Variants in WIZ observed in about 807,000 individuals in gnomAD.
The protein encoded by WIZ is WIZ zinc finger, also known as protein Wiz.
In WIZ, 25 loss-of-function variants were observed where a neutral mutation model predicts 140.2. The ratio of observed to expected loss-of-function variants is 0.18; its 90% CI spans 0.13 to 0.25. The LOEUF is 0.25. WIZ is among the 10% of genes least tolerant of loss of function. WIZ has a pLI of 1.00. For missense variants in WIZ, 2,231 were observed against 2,632.6 expected, an observed-to-expected ratio of 0.85 and a Z score of 3.34; for synonymous variants, 1,125 against 1,154.3, an observed-to-expected ratio of 0.97 and a Z score of 0.51.
In WIZ at chr19:15,420,204, G is replaced by T. The variant is rs535936548; in HGVS notation, c.*2872C>A. 1.3e-5 allele frequency: 2 copies of T among 152,208 alleles called. No homozygotes were observed. Among genetic ancestry groups the T allele is most frequent in the African/African-American group, 2.4e-5 (1 of 41,438 alleles). 9.4% of individuals were successfully genotyped at this position (152,208 alleles called of 1,614,324 possible). A position where few individuals can be genotyped will look rare whatever the true frequency, so the allele number is the denominator to read the frequency against. ...TGACAGCTGAAGACATTGGTCATGG[G>T]TTGGTGATGGATAGATGAGAGTCCA... On this transcript the variant is annotated 3_prime_UTR_variant, in exon 13 of 13. Transcript: ENST00000673675.
intron 5 of WIZ, among the ~76,000 whole-genome samples, chr19:15,434,302 C>G (rs992504968): frequency 1.7e-4 from 25 of 149,008 alleles, no homozygotes; most frequent in Admixed American, 1.1e-3. Context: ...TGGCTTACAC[C>G]TGTAATCCTA....
In WIZ at chr19:15,440,684, G is replaced by T; in HGVS notation, c.310C>A (p.Pro104Thr). 1 of 1,510,832 alleles carries T rather than the reference G, an allele frequency of 6.6e-7. No individual in the cohort carries two copies. The highest frequency in any genetic ancestry group is 8.8e-7 in the Non-Finnish European group (1 of 1,131,034). 93.6% of individuals were successfully genotyped at this position (1,510,832 alleles called of 1,614,324 possible). Residue 104 changes from proline to threonine, a missense_variant, in exon 4 of 13, where the codon CCG becomes ACG. By Grantham distance (38) the Pro-to-Thr change is conservative (BLOSUM62 -1). Transcript: ENST00000673675. This position sits in a 1 kb window ranked among gnomAD's most constrained non-coding sequence, Gnocchi z 6.2. ...CWDGGSLDFR[P>T]GSPPPHLLGH... ...AGGAGATGGGGTGGTGGGGAGCCCGGCCGGAAGTCCAGGCTGCCTCCATCC... is the reference window on the plus strand; with the variant it reads ...AGGAGATGGGGTGGTGGGGAGCCCGTCCGGAAGTCCAGGCTGCCTCCATCC...
chr19:15,446,757 A>G (rs562864312), intron 2 of WIZ, among the ~76,000 whole-genome samples: 1 of 152,262 alleles, frequency 6.6e-6, no homozygotes, highest in East Asian at 1.9e-4. Flanking sequence ...TGGTGACATA[A>G]CACCGGGTCA....
chr19:15,432,990 G>A (rs954722689), intron 5 of WIZ, among the ~76,000 whole-genome samples: 1 of 152,044 alleles, frequency 6.6e-6, no homozygotes, highest in South Asian at 2.1e-4. Flanking sequence ...CCCCAGCCCA[G>A]TCCCCGGACA....
intron 2 of WIZ, among the ~76,000 whole-genome samples, chr19:15,445,151 C>A (rs1419957333): frequency 6.6e-6 from 1 of 152,248 alleles, no homozygotes; most frequent in Non-Finnish European, 1.5e-5. Context: ...CCAAGGGGCC[C>A]TTGTTGGCTC....
rs778885934 is a variant in WIZ, at chr19:15,439,577, C to T, written c.1417G>A (p.Ala473Thr). 16 of 1,490,358 alleles carry T rather than the reference C, an allele frequency of 1.1e-5. No homozygotes were observed. The highest frequency in any genetic ancestry group is 2.5e-5 in the South Asian group (2 of 79,390). The allele number at this position is 1,490,358 out of a possible 1,614,324, so 92.3% of individuals were successfully genotyped here. The change falls in exon 4 of 13, where the codon GCG becomes ACG. Residue 473 changes from alanine (A) to threonine (T), a missense_variant. Ala to Thr is a moderately conservative substitution (Grantham distance 58). This residue lies in a region of WIZ where 475 missense variants were observed against 520.2 expected (regional missense o/e 0.91). Coordinates refer to ENST00000673675, the MANE Select transcript of WIZ (RefSeq NM_001371589.1). The surrounding 1 kb of genome is among the most constrained non-coding windows in gnomAD (Gnocchi z 7.0). ...TCCCTGAGCAGGCTCTCGCTGGGCG[C>T]GGGGAAACCACAGAAGACACAGGCG... ...LSACVFCGFP[A>T]PSESLLREHV...
In WIZ at chr19:15,428,549, T is replaced by C. The variant is rs1599666662; in HGVS notation, c.3416-41A>G. On this transcript the variant is annotated intron_variant, in intron 7 of 12. Coordinates refer to ENST00000673675, the MANE Select transcript of WIZ (RefSeq NM_001371589.1). This position sits in a 1 kb window ranked among gnomAD's most constrained non-coding sequence, Gnocchi z 6.4. ...ACAGGGGGGGTTCACGGCCGCCACCTTGGCCGGCCTTGGGGGCCTGAGGTA... is the reference window on the plus strand; with the variant it reads ...ACAGGGGGGGTTCACGGCCGCCACCCTGGCCGGCCTTGGGGGCCTGAGGTA... 3 of 1,530,974 alleles carry C rather than the reference T, an allele frequency of 2.0e-6. No homozygotes were observed. Among genetic ancestry groups the C allele is most frequent in the Non-Finnish European group, 1.7e-6 (2 of 1,144,182 alleles). The allele number at this position is 1,530,974 out of a possible 1,614,324, so 94.8% of individuals were successfully genotyped here.
Position 15,428,248 on chromosome 19 carries a change from G to A in WIZ, c.3676C>T (p.Pro1226Ser), listed in dbSNP as rs1968983249. The A allele has an allele frequency of 3.3e-6, 5 of 1,530,136 alleles. No individual in the cohort carries two copies. The highest frequency in any genetic ancestry group is 1.4e-5 in the African/African-American group (1 of 72,794). 94.8% of individuals were successfully genotyped at this position (1,530,136 alleles called of 1,614,324 possible). A position where few individuals can be genotyped will look rare whatever the true frequency, so the allele number is the denominator to read the frequency against. Reference sequence around the variant, plus strand: ...GCCTTCTTGGCCGGCGGTGGGGGGGGAAGCAAGGAGAGGGCCGCGGAGGTG... The same window carrying A: ...GCCTTCTTGGCCGGCGGTGGGGGGGAAAGCAAGGAGAGGGCCGCGGAGGTG... ...PPTSAALSLL[P>S]PPPPAKKAKL... Residue 1226 changes from proline to serine, a missense_variant, in exon 8 of 13, where the codon CCC (proline) becomes TCC (serine). By Grantham distance (74) the Pro-to-Ser change is moderately conservative. Coordinates refer to ENST00000673675, the MANE Select transcript of WIZ (RefSeq NM_001371589.1). This position sits in a 1 kb window ranked among gnomAD's most constrained non-coding sequence, Gnocchi z 6.4.
chr19:15,440,587 C>A lies in WIZ; in HGVS notation c.407G>T (p.Gly136Val). ...EHPLVQEAGE[G>V]ILSERRFEDS... is the part of the protein sequence containing the mutation. The stretch of plus-strand genomic sequence containing the variant: ...CTCGAATCTCCGCTCAGATAGGATG[C>A]CCTCCCCAGCCTCCTGGACAAGGGG... The change falls in exon 4 of 13, where the codon GGC (glycine) becomes GTC (valine). Residue 136 changes from glycine to valine, a missense_variant. Transcript: ENST00000673675. This position sits in a 1 kb window ranked among gnomAD's most constrained non-coding sequence, Gnocchi z 6.2. 2.0e-6 allele frequency: 3 copies of A among 1,536,148 alleles called. No homozygotes were observed. The highest frequency in any genetic ancestry group is 2.6e-6 in the Non-Finnish European group (3 of 1,146,884).
rs2145345558 is a variant in WIZ at position 15,436,944 on chromosome 19, C to T, written c.2602G>A (p.Glu868Lys). 1.2e-6 allele frequency: 2 copies of T among 1,613,528 alleles called. No individual in the cohort carries two copies. The highest frequency in any genetic ancestry group is 1.7e-6 in the Non-Finnish European group (2 of 1,179,738). ...LQELLATSAA[E>K]QPPSPLGREP... is the part of the protein sequence containing the mutation. ...CGGCCCAGGGGGCTGGGGGGCTGCT[C>T]AGCAGCAGAGGTGGCCAGCAGCTCC... is the stretch of plus-strand genomic sequence containing the variant. The change falls in exon 5 of 13, where the codon GAG (glutamate) becomes AAG (lysine). Residue 868 changes from glutamate to lysine, a missense_variant. Coordinates refer to ENST00000673675, the MANE Select transcript of WIZ (RefSeq NM_001371589.1).
chr19:15,423,063 G>C lies in WIZ; in HGVS notation c.*13C>G, dbSNP rs1410292374. 6.2e-7 allele frequency: 1 copy of C among 1,610,028 alleles called. No homozygotes were observed. On this transcript the variant is annotated 3_prime_UTR_variant, in exon 13 of 13. Coordinates refer to ENST00000673675, the MANE Select transcript of WIZ (RefSeq NM_001371589.1). ...CAGAGGTGGCACGAGAGGGGATCTG[G>C]AATGCTTTTGTGTTAGGGAGCCTCT...
chr19:15,438,907 G>A lies in WIZ; in HGVS notation c.2087C>T (p.Ala696Val), dbSNP rs1312484705. 2.9e-5 allele frequency: 42 copies of A among 1,447,896 alleles called. No homozygotes were observed. Among genetic ancestry groups the A allele is most frequent in the Non-Finnish European group, 3.4e-5 (37 of 1,101,670 alleles). The allele number at this position is 1,447,896 out of a possible 1,614,324, so 89.7% of individuals were successfully genotyped here. The change falls in exon 4 of 13, where the codon GCG becomes GTG. Residue 696 changes from alanine (A) to valine (V), a missense_variant. Coordinates refer to ENST00000673675, the MANE Select transcript of WIZ (RefSeq NM_001371589.1). ...LVAKLGPQVMAAARVPPRLQP... is the reference protein window; with the variant it reads ...LVAKLGPQVMVAARVPPRLQP... The stretch of plus-strand genomic sequence containing the variant: ...CAACCTTGGGGGCACCCTGGCTGCC[G>A]CCATGACCTGCGGCCCCAGCTTCGC...
Position 15,439,721 on chromosome 19 carries a change from G to A in WIZ, c.1273C>T (p.Arg425Cys), listed in dbSNP as rs113267381. ...TTGGTGGTCTGGCCTGGGGGCTCAC[G>A]CATGTGCAGCTTGGCATGCTGCACA... The part of the protein sequence containing the change: ...AYVQHAKLHM[R>C]EPPGQTTKEP... Residue 425 changes from arginine to cysteine, a missense_variant, in exon 4 of 13, where the codon CGT (arginine) becomes TGT (cysteine). Around this residue, in one of 15 missense-constraint regions of WIZ, gnomAD observed 475 missense variants for 520.2 expected, o/e 0.91. Transcript: ENST00000673675. This position sits in a 1 kb window ranked among gnomAD's most constrained non-coding sequence, Gnocchi z 7.0. The A allele has an allele frequency of 0.017, 24,829 of 1,478,876 alleles. 305 individuals carry two copies. Among genetic ancestry groups the A allele is most frequent in the Middle Eastern group, 0.063 (356 of 5,654 alleles). The allele number at this position is 1,478,876 out of a possible 1,614,324, so 91.6% of individuals were successfully genotyped here. A position where few individuals can be genotyped will look rare whatever the true frequency, so the allele number is the denominator to read the frequency against.
chr19:15,439,190 G>C lies in WIZ; in HGVS notation c.1804C>G (p.His602Asp). 1 of 1,535,568 alleles carries C rather than the reference G, an allele frequency of 6.5e-7. No homozygotes were observed. ...CTCCGTTCCCCCAGCCCTTGTGGGTGGACGGTGCTTTTGTTTCTCCCGAGC... is the reference window on the plus strand; with the variant it reads ...CTCCGTTCCCCCAGCCCTTGTGGGTCGACGGTGCTTTTGTTTCTCCCGAGC... ...LQLGRNKSTV[H>D]PQGLGERRRP... Residue 602 changes from histidine to aspartate, a missense_variant, in exon 4 of 13, where the codon CAC becomes GAC. Physicochemically the swap from His to Asp is moderately conservative, Grantham distance 81. Coordinates refer to ENST00000673675, the MANE Select transcript of WIZ (RefSeq NM_001371589.1). This position sits in a 1 kb window ranked among gnomAD's most constrained non-coding sequence, Gnocchi z 7.0.
At position 15,431,052 on chromosome 19, in the gene WIZ, C is replaced by A; in HGVS notation, c.2871G>T (p.Glu957Asp). The stretch of plus-strand genomic sequence containing the variant: ...GCTCCTGTTTGCTGCCATGAGGAAC[C>A]TCTGCAGCCACTTTGCTGCTCAGCC... ...ASRLSSKVAAEVPHGSKQELQ... is the reference protein window; with the variant it reads ...ASRLSSKVAADVPHGSKQELQ... The change falls in exon 6 of 13, where the codon GAG becomes GAT. Residue 957 changes from glutamate (E) to aspartate (D), a missense_variant. Coordinates refer to ENST00000673675, the MANE Select transcript of WIZ (RefSeq NM_001371589.1). 6.5e-7 allele frequency: 1 copy of A among 1,535,866 alleles called. No homozygotes were observed. Among genetic ancestry groups the A allele is most frequent in the Non-Finnish European group, 8.7e-7 (1 of 1,146,750 alleles).
intron 2 of WIZ, among the ~76,000 whole-genome samples, chr19:15,447,281 G>C (rs1438787996): frequency 6.6e-6 from 1 of 152,136 alleles, no homozygotes; most frequent in African/African-American, 2.4e-5. Context: ...TGCACTGGCT[G>C]TTCCCTCCAC....
Position 15,423,138 on chromosome 19 carries a change from C to T in WIZ, c.5608G>A (p.Asp1870Asn), listed in dbSNP as rs761379329. 3 of 1,612,852 alleles carry T rather than the reference C, an allele frequency of 1.9e-6. No homozygotes were observed. The South Asian group carries it at 3.3e-5, about 18-fold the overall frequency. ...HILEMNFSKA[D>N]PPPEESQAPQ... ...GCCTGGGACTCCTCAGGTGGGGGGT[C>T]CGCTTTGGAGAAGTTCATCTCCAGG... The change falls in exon 13 of 13, where the codon GAC (aspartate) becomes AAC (asparagine). Residue 1870 changes from aspartate (D) to asparagine (N), a missense_variant. Coordinates refer to ENST00000673675, the MANE Select transcript of WIZ (RefSeq NM_001371589.1).
At chr19:15,423,369 G>C (rs1599640511) in intron 12 of WIZ, 134 bp from the exon 13 acceptor site, 1 of 1,129,496 alleles carries the variant, frequency 8.9e-7, no homozygotes, top group East Asian at 2.6e-5. Context: ...GGGGAAGAGG[G>C]ACCCAGAAGT....
Position 15,440,072 on chromosome 19 carries a change from C to T in WIZ, c.922G>A (p.Glu308Lys), listed in dbSNP as rs776295129. 4.8e-5 allele frequency: 73 copies of T among 1,535,672 alleles called. No individual in the cohort carries two copies. The highest frequency in any genetic ancestry group is 1.7e-4 in the Middle Eastern group (1 of 6,010). ...AEGVASPDED[E>K]DEEPAVFPCI... ...GGGAACACGGCCGGCTCCTCGTCCT[C>T]GTCCTCATCTGGGCTGGCCACCCCT... The change falls in exon 4 of 13, where the codon GAG (glutamate) becomes AAG (lysine). Residue 308 changes from glutamate (E) to lysine (K), a missense_variant. By Grantham distance (56) the Glu-to-Lys change is moderately conservative. Coordinates refer to ENST00000673675, the MANE Select transcript of WIZ (RefSeq NM_001371589.1). The surrounding 1 kb of genome is among the most constrained non-coding windows in gnomAD (Gnocchi z 6.2).
Sources: gnomAD v4.1 joint callset for allele counts (sites outside exome capture counted in the v4.1 genomes callset) on GRCh38, gnomAD v4.1.1 for gene constraint, gnomAD v4.1.1 regional missense constraint, Gnocchi (gnomAD v3.1) non-coding constraint, MANE v1.5 for transcripts, NCBI Gene and HGNC (gene_info 2026-07-23, HGNC 2026-07-21) for gene names.